The following TRPC3 variants were observed in gnomAD, a reference collection of about 807,000 sequenced individuals.
TRPC3 encodes short transient receptor potential channel 3.
Under a neutral mutation model 90.9 loss-of-function variants are expected in TRPC3, and 54 were observed. The observed-to-expected ratio is 0.59, with a 90% confidence interval of 0.48 to 0.75. TRPC3 has a LOEUF of 0.75. TRPC3 is among the 30% of genes least tolerant of loss of function. TRPC3 has a pLI of 0.00. For synonymous variants in TRPC3, 424 were observed against 450.9 expected (o/e 0.94, Z 0.75); for missense variants, 918 against 1,194.5 (o/e 0.77, Z 3.41).
rs920439737 is a variant in TRPC3, at chr4:121,875,300, C to T, written c.*4436G>A. Among the ~76,000 whole-genome samples, 3 of 152,070 alleles carry T rather than the reference C, an allele frequency of 2.0e-5. No individual in the cohort carries two copies. The highest frequency in any genetic ancestry group is 2.9e-5 in the Non-Finnish European group (2 of 67,984). ...GCTATGATATAGCATCAAAACAATA[C>T]AAAAAGTTTGCATAATATGATATTT... On this transcript the variant is annotated 3_prime_UTR_variant, in exon 12 of 12. Coordinates refer to ENST00000379645, the MANE Select transcript of TRPC3 (RefSeq NM_001130698.2).
At chr4:121,921,606 G>C (rs72919967) in intron 3 of TRPC3, among the ~76,000 whole-genome samples, 2 of 151,336 alleles carry the variant, frequency 1.3e-5, no homozygotes, top group South Asian at 4.2e-4. Context: ...TGGTTTCCTT[G>C]GTGGAATTAT....
chr4:121,908,662 G>A (rs1728972137), intron 6 of TRPC3, among the ~76,000 whole-genome samples: 1 of 152,116 alleles, frequency 6.6e-6, no homozygotes, highest in South Asian at 2.1e-4. Flanking sequence ...TCACTTATAA[G>A]TGGAAGCTAA....
At chr4:121,895,701 C>T (rs1371063179) in intron 10 of TRPC3, among the ~76,000 whole-genome samples, 1 of 151,912 alleles carries the variant, frequency 6.6e-6, no homozygotes, top group Non-Finnish European at 1.5e-5. Context: ...CATAAAACAT[C>T]TCCCAAAAAA....
At chr4:121,905,701 T>C (rs192033275) in intron 7 of TRPC3, among the ~76,000 whole-genome samples, 78 of 152,262 alleles carry the variant, frequency 5.1e-4, no homozygotes, top group African/African-American at 1.8e-3. Context: ...TAAATAACAA[T>C]GAATTTTATA....
In TRPC3 at chr4:121,875,141, A is replaced by C. The variant is rs1727729866; in HGVS notation, c.*4595T>G. 6.6e-6 allele frequency among the ~76,000 whole-genome samples: 1 copy of C among 151,938 alleles called. No homozygotes were observed. Among genetic ancestry groups the C allele is most frequent in the Non-Finnish European group, 1.5e-5 (1 of 67,958 alleles). On this transcript the variant is annotated 3_prime_UTR_variant, in exon 12 of 12. Coordinates refer to ENST00000379645, the MANE Select transcript of TRPC3 (RefSeq NM_001130698.2). ...GTTCTAATAAATAGGTAAAAAAAAA[A>C]ACACCAAAGACAGACAATGCTGGCA...
chr4:121,929,799 T>C (rs759140672), intron 2 of TRPC3, among the ~76,000 whole-genome samples: 3 of 151,890 alleles, frequency 2.0e-5, no homozygotes, highest in Admixed American at 1.3e-4. Context: ...TTATAGGCCA[T>C]TGATAAGATA....
At chr4:121,900,618 T>A (rs1703547080) in intron 9 of TRPC3, among the ~76,000 whole-genome samples, 2 of 152,194 alleles carry the variant, frequency 1.3e-5, no homozygotes, top group Admixed American at 6.5e-5. Flanking sequence ...GCTGTCTAGG[T>A]TAGCTGGAAA....
At chr4:121,908,609 A>G (rs1306465191) in intron 6 of TRPC3, among the ~76,000 whole-genome samples, 5 of 152,124 alleles carry the variant, frequency 3.3e-5, no homozygotes, top group Non-Finnish European at 7.4e-5. Context: ...CCATTATCCT[A>G]AGTGAATTAA....
At chr4:121,896,593 G>T (rs573533350) in intron 10 of TRPC3, among the ~76,000 whole-genome samples, 2 of 152,188 alleles carry the variant, frequency 1.3e-5, no homozygotes, top group African/African-American at 4.8e-5. Flanking sequence ...CCAAGGAGAT[G>T]AAAGACCTCT....
At chr4:121,895,236 T>G (rs1310396973) in intron 10 of TRPC3, among the ~76,000 whole-genome samples, 1 of 151,510 alleles carries the variant, frequency 6.6e-6, no homozygotes, top group Non-Finnish European at 1.5e-5. Flanking sequence ...TCAAACAATC[T>G]AATGATGCAC....
At chr4:121,900,168 C>T (rs1179898766) in intron 9 of TRPC3, among the ~76,000 whole-genome samples, 4 of 152,190 alleles carry the variant, frequency 2.6e-5, no homozygotes, top group Admixed American at 6.5e-5. Context: ...TCTTCCAAAG[C>T]ATCTTGGCCT....
rs538040197 is a variant in TRPC3, at chr4:121,937,415, C to T, written c.216-4373G>A. On this transcript the variant is annotated intron_variant, in intron 1 of 11. Transcript: ENST00000379645. ...GCAGCACAGGCTAAGGGACAAGTAG[C>T]CTCACATTCATTTAGTTTCTCTAAA... Among the ~76,000 whole-genome samples the T allele has an allele frequency of 6.6e-5, 10 of 152,326 alleles. No individual in the cohort carries two copies. The East Asian group carries it at 1.7e-3, about 26-fold the overall frequency.
intron 10 of TRPC3, among the ~76,000 whole-genome samples, chr4:121,882,655 GGAA>G (rs1359909536): frequency 4.0e-5 from 6 of 151,878 alleles, no homozygotes; most frequent in Non-Finnish European, 8.8e-5. Context: ...CCTCAGAAAC[GGAA>G]GAAGCTTTTA....
chr4:121,927,988 A>C (rs1001818032), intron 2 of TRPC3, among the ~76,000 whole-genome samples: 4 of 152,174 alleles, frequency 2.6e-5, no homozygotes, highest in African/African-American at 9.7e-5. Context: ...CTTTTAATAT[A>C]ATTTTTTTAG....
chr4:121,918,004 C>G (rs1046321043), intron 3 of TRPC3, among the ~76,000 whole-genome samples: 1 of 152,186 alleles, frequency 6.6e-6, no homozygotes, highest in Non-Finnish European at 1.5e-5. Flanking sequence ...AATGTGTCTC[C>G]TCCAACATTC....
At chr4:121,884,777 G>A (rs1728055655) in intron 10 of TRPC3, among the ~76,000 whole-genome samples, 1 of 152,166 alleles carries the variant, frequency 6.6e-6, no homozygotes, top group Admixed American at 6.5e-5. Flanking sequence ...ACAGCTGGAT[G>A]GATCTTAAAC....
Position 121,882,341 on chromosome 4 carries a change from T to C in TRPC3, c.2623+13A>G. ...AGCTATAAAAGGATATTTTTTAAGTTGGAGATGCTTACCTTCATTAACTTC... is the reference window on the plus strand; with the variant it reads ...AGCTATAAAAGGATATTTTTTAAGTCGGAGATGCTTACCTTCATTAACTTC... On this transcript the variant is annotated intron_variant, in intron 11 of 11. Coordinates refer to ENST00000379645, the MANE Select transcript of TRPC3 (RefSeq NM_001130698.2). 1 of 1,601,676 alleles carries C rather than the reference T, an allele frequency of 6.2e-7. No homozygotes were observed. Among genetic ancestry groups the C allele is most frequent in the Non-Finnish European group, 8.5e-7 (1 of 1,175,270 alleles).
At chr4:121,880,275 G>A (rs1727895595) in intron 11 of TRPC3, among the ~76,000 whole-genome samples, 3 of 151,952 alleles carry the variant, frequency 2.0e-5, no homozygotes, top group African/African-American at 7.2e-5. Context: ...AGGATCAAAG[G>A]GAATCCTAGA....
chr4:121,910,115 T>C (rs1410921019), intron 6 of TRPC3, 39 bp downstream of exon 6: 5 of 1,570,786 alleles, frequency 3.2e-6, no homozygotes, highest in Admixed American at 3.4e-5. Context: ...TCCAATACCT[T>C]TCCCAAAACA....
Sources: allele counts gnomAD v4.1 joint callset (sites outside exome capture counted in the v4.1 genomes callset), GRCh38; gene constraint gnomAD v4.1.1; transcripts MANE v1.5; gene names NCBI Gene and HGNC (gene_info 2026-07-23, HGNC 2026-07-21).